The following AKT1 variants were observed in gnomAD, a reference collection of about 807,000 sequenced individuals.
The protein encoded by AKT1 is RAC-alpha serine/threonine-protein kinase.
In AKT1, 21 loss-of-function variants were observed where a neutral mutation model predicts 63.1. That is an observed-to-expected ratio of 0.33 (90% CI 0.24 to 0.48). The LOEUF is 0.48. Ranked by LOEUF, AKT1 falls within the 20% of genes least tolerant of loss-of-function variation. The probability of loss-of-function intolerance (pLI) is 0.99; values close to 1 mark genes in which losing one functional copy is unlikely to be tolerated. For synonymous variants in AKT1, 257 were observed against 253.1 expected, an observed-to-expected ratio of 1.02 and a Z score of -0.15; for missense variants, 382 against 666.0, an observed-to-expected ratio of 0.57 and a Z score of 4.69.
rs780173607 is a variant in AKT1 at position 104,780,171 on chromosome 14, T to C, written c.92A>G (p.Asn31Ser). Residue 31 changes from asparagine (N) to serine (S), a missense_variant, in exon 4 of 15, where the codon AAT becomes AGT. Physicochemically the swap from Asn to Ser is conservative, Grantham distance 46 (BLOSUM62 1). Around this residue, in one of 3 missense-constraint regions of AKT1, gnomAD observed 226 missense variants for 366.4 expected, o/e 0.62. Transcript: ENST00000649815. The part of the protein sequence containing the change: ...TWRPRYFLLK[N>S]DGTFIGYKER... ...CTTGTAGCCAATGAAGGTGCCATCATTCTTGAGGAGGAAGTAGCGTGGCCG... is the reference window on the plus strand; with the variant it reads ...CTTGTAGCCAATGAAGGTGCCATCACTCTTGAGGAGGAAGTAGCGTGGCCG... 1.9e-6 allele frequency: 3 copies of C among 1,613,504 alleles called. No individual in the cohort carries two copies. In the African/African-American group the frequency reaches 4.0e-5, roughly 22 times the overall value.
At chr14:104,781,400 G>A (rs61761175) in intron 3 of AKT1, among the ~76,000 whole-genome samples, 36 of 152,288 alleles carry the variant, frequency 2.4e-4, no homozygotes, top group African/African-American at 4.3e-4. Flanking sequence ...CTGGGTCTTC[G>A]TGGTGAGCCC....
At chr14:104,777,622 C>G (rs564531215) in intron 4 of AKT1, 3 of 991,282 alleles carry the variant, frequency 3.0e-6, no homozygotes, top group Non-Finnish European at 3.6e-6. Flanking sequence ...TGGGAACGTG[C>G]GGGGCCCTGA....
intron 11 of AKT1, 57 bp downstream of exon 11, chr14:104,773,194 C>G (rs200669248): frequency 6.2e-7 from 1 of 1,612,140 alleles, no homozygotes; most frequent in African/African-American, 1.3e-5. Flanking sequence ...CACAGCATTG[C>G]GTGTGCTCAG....
chr14:104,778,942 C>A (rs1251678141), intron 4 of AKT1, among the ~76,000 whole-genome samples: 1 of 152,226 alleles, frequency 6.6e-6, no homozygotes, highest in Non-Finnish European at 1.5e-5. Flanking sequence ...GTTACCCAGC[C>A]CTGCCACATA....
In AKT1 at chr14:104,769,821, G is replaced by A. The variant is rs537882189; in HGVS notation, c.*520C>T. The stretch of plus-strand genomic sequence containing the variant: ...CCTCCGATGACGTCCTCAGAGACAC[G>A]GCCTTAGTGCTGGGGGGCTGCTGTG... On this transcript the variant is annotated 3_prime_UTR_variant, in exon 15 of 15. Coordinates refer to ENST00000649815, the MANE Select transcript of AKT1 (RefSeq NM_001382430.1). 12 of 389,770 alleles carry A rather than the reference G, an allele frequency of 3.1e-5. No individual in the cohort carries two copies. Among genetic ancestry groups the A allele is most frequent in the Admixed American group, 1.8e-4 (4 of 22,754 alleles). 24.1% of individuals were successfully genotyped at this position (389,770 alleles called of 1,614,324 possible). A position where few individuals can be genotyped will look rare whatever the true frequency, so the allele number is the denominator to read the frequency against.
intron 3 of AKT1, among the ~76,000 whole-genome samples, chr14:104,791,940 C>G (rs1472741277): frequency 2.0e-5 from 3 of 152,244 alleles, no homozygotes; most frequent in Non-Finnish European, 2.9e-5. Flanking sequence ...CCCCGCTGAG[C>G]AACGGAGGGT....
chr14:104,776,114 G>C (rs892123898), intron 5 of AKT1: 2 of 300,114 alleles, frequency 6.7e-6, no homozygotes, highest in African/African-American at 5.2e-5. Flanking sequence ...TCCCAAGCAG[G>C]ACTCCGCCCC....
chr14:104,777,727 G>A (rs1419046637), intron 4 of AKT1: 3 of 985,560 alleles, frequency 3.0e-6, no homozygotes, highest in East Asian at 1.1e-4. Context: ...GGGCCAGTGG[G>A]GGGCCTCTGA....
chr14:104,794,899 T>C (rs904438627), intron 1 of AKT1: 1 of 152,260 alleles, frequency 6.6e-6, no homozygotes, highest in Non-Finnish European at 1.5e-5. Context: ...AGCCTTGGCC[T>C]CTGGGATGGG....
At chr14:104,783,251 C>G in intron 3 of AKT1, among the ~76,000 whole-genome samples, 1 of 152,160 alleles carries the variant, frequency 6.6e-6, no homozygotes, top group East Asian at 1.9e-4. Flanking sequence ...GAACTGGAAC[C>G]TGTCATCCAG....
intron 3 of AKT1, 64 bp from the exon 4 acceptor site, chr14:104,780,280 A>G: frequency 6.3e-7 from 1 of 1,586,150 alleles, no homozygotes; most frequent in Non-Finnish European, 8.6e-7. Flanking sequence ...CCAGGCAGCC[A>G]GGCAGGAACT....
rs191423993 is a variant in AKT1, at chr14:104,773,234, G to A, written c.957+17C>T. 2.4e-5 allele frequency: 39 copies of A among 1,614,134 alleles called. No homozygotes were observed. The highest frequency in any genetic ancestry group is 2.2e-4 in the South Asian group (20 of 91,088). ...TGGGGACGCAGCAACGCGTATGCAC[G>A]CAGGTGGGGCGCACACCTCGGGGGC... On this transcript the variant is annotated intron_variant, in intron 11 of 14. Transcript: ENST00000649815.
At chr14:104,791,835 C>A (rs149169868) in intron 3 of AKT1, among the ~76,000 whole-genome samples, 2 of 152,332 alleles carry the variant, frequency 1.3e-5, no homozygotes, top group African/African-American at 4.8e-5. Flanking sequence ...CCGCCTGGGG[C>A]AGAAGAGAGT....
At chr14:104,774,855 A>C in intron 8 of AKT1, 83 bp downstream of exon 8, 5 of 1,460,032 alleles carry the variant, frequency 3.4e-6, no homozygotes, top group Non-Finnish European at 4.6e-6. Context: ...GTGCCCAAGA[A>C]GACAGGACAT....
intron 10 of AKT1, 21 bp from the exon 11 acceptor site, chr14:104,773,400 G>C: frequency 6.2e-7 from 1 of 1,614,150 alleles, no homozygotes; most frequent in African/African-American, 1.3e-5. Context: ...GGTGGCCTCA[G>C]GTCAGTGCCG....
At chr14:104,775,445 G>A (rs1892647094) in intron 6 of AKT1, 1 of 1,052,248 alleles carries the variant, frequency 9.5e-7, no homozygotes, top group South Asian at 1.7e-5. Flanking sequence ...CCCAAGCCTG[G>A]CAGGGCTCAG....
chr14:104,775,412 C>T, intron 6 of AKT1: 1 of 1,132,142 alleles, frequency 8.8e-7, no homozygotes, highest in Non-Finnish European at 1.2e-6. Context: ...GCATGGGGTT[C>T]AGGGAAGGGT....
Position 104,786,123 on chromosome 14 carries a change from CA to C in AKT1, c.47-5908del, listed in dbSNP as rs547551845. 2.6e-5 allele frequency among the ~76,000 whole-genome samples: 4 copies of C among 152,318 alleles called. No homozygotes were observed. In the South Asian group the frequency reaches 8.3e-4, roughly 32 times the overall value. ...CCCCCACCTCATTTTTGGTCTGCCC[CA>C]AACAAGCCCCACCCATGTCATGGCC... is the stretch of plus-strand genomic sequence containing the variant. On this transcript the variant is annotated intron_variant, in intron 3 of 14. Transcript: ENST00000649815.
chr14:104,772,292 G>A (rs936604870), intron 13 of AKT1, 73 bp downstream of exon 13: 128 of 1,509,956 alleles, frequency 8.5e-5, no homozygotes, highest in Middle Eastern at 3.4e-4. Context: ...TCTGGCGAGC[G>A]TGCCACGTGC....
Sources: allele counts gnomAD v4.1 joint callset (sites outside exome capture counted in the v4.1 genomes callset), GRCh38; gene constraint gnomAD v4.1.1; regional missense constraint gnomAD v4.1.1; transcripts MANE v1.5; gene names NCBI Gene and HGNC (gene_info 2026-07-23, HGNC 2026-07-21).